Variants in ATG10 observed in about 807,000 individuals in gnomAD.
The protein encoded by ATG10 is ubiquitin-like-conjugating enzyme ATG10.
Under a neutral mutation model 32.1 loss-of-function variants are expected in ATG10, and 30 were observed. The ratio of observed to expected loss-of-function variants is 0.94; its 90% CI spans 0.70 to 1.27. The LOEUF (loss-of-function observed/expected upper bound fraction) is 1.27. ATG10 is among the 50% of genes most tolerant of loss of function. ATG10 has a pLI of 0.00. For synonymous variants in ATG10, 87 were observed against 91.5 expected (o/e 0.95, Z 0.28); for missense variants, 233 against 262.3 (o/e 0.89, Z 0.77).
intron 3 of ATG10, among the ~76,000 whole-genome samples, chr5:82,071,508 G>C (rs1764131478): frequency 6.6e-6 from 1 of 152,102 alleles, no homozygotes; most frequent in African/African-American, 2.4e-5. Flanking sequence ...TTCGAAAAAT[G>C]TTTCTTCAAA....
chr5:82,116,614 T>C (rs1765817716), intron 3 of ATG10, among the ~76,000 whole-genome samples: 1 of 152,086 alleles, frequency 6.6e-6, no homozygotes, highest in Admixed American at 6.6e-5. Context: ...AATAAACTGC[T>C]GAGTAGAAGG....
chr5:82,174,550 T>C (rs1354763737), intron 4 of ATG10, among the ~76,000 whole-genome samples: 2 of 152,090 alleles, frequency 1.3e-5, no homozygotes, highest in Non-Finnish European at 2.9e-5. Context: ...TGGAATAAAA[T>C]AAGTATAATT....
At position 82,057,490 on chromosome 5, in the gene ATG10, C is replaced by T. The variant is rs1419407716; in HGVS notation, c.109-1005C>T. ...TGCACCGCTCCAGTCTTCATCTTCA[C>T]ATGGCTTTCTTCCCTGTTTGTGTCA... On this transcript the variant is annotated intron_variant, in intron 2 of 7. Transcript: ENST00000282185. Among the ~76,000 whole-genome samples the T allele has an allele frequency of 2.6e-5, 4 of 152,162 alleles. No homozygotes were observed. In the East Asian group the frequency reaches 7.7e-4, roughly 29 times the overall value.
At chr5:82,026,332 C>T (rs569001195) in intron 2 of ATG10, among the ~76,000 whole-genome samples, 12 of 152,056 alleles carry the variant, frequency 7.9e-5, no homozygotes, top group African/African-American at 2.2e-4. Flanking sequence ...TTTTTAAGAT[C>T]GAATAATATT....
chr5:82,082,925 G>A (rs1168601981), intron 3 of ATG10, among the ~76,000 whole-genome samples: 19 of 152,306 alleles, frequency 1.2e-4, no homozygotes, highest in African/African-American at 4.3e-4. Context: ...AGCTCCCAGC[G>A]TGAGCGACAC....
At chr5:82,031,801 A>T (rs1011911671) in intron 2 of ATG10, among the ~76,000 whole-genome samples, 1 of 152,268 alleles carries the variant, frequency 6.6e-6, no homozygotes, top group Non-Finnish European at 1.5e-5. Flanking sequence ...TGTCCTGCTG[A>T]TGATACCTGT....
chr5:82,139,140 A>T (rs1422248062), intron 3 of ATG10, among the ~76,000 whole-genome samples: 1,950 of 144,532 alleles, frequency 0.013, 12 homozygotes, highest in Non-Finnish European at 0.021. Flanking sequence ...TCGTTCACTC[A>T]GTGCTCAATG....
intron 5 of ATG10, among the ~76,000 whole-genome samples, chr5:82,201,369 G>A (rs558283185): frequency 1.3e-5 from 2 of 152,116 alleles, no homozygotes; most frequent in South Asian, 4.2e-4. Flanking sequence ...TTTTGTATAT[G>A]AATGTCCAAT....
rs546337354 is a variant in ATG10 at position 82,195,285 on chromosome 5, C to G, written c.453+16698C>G. On this transcript the variant is annotated intron_variant, in intron 5 of 7. Coordinates refer to ENST00000282185, the MANE Select transcript of ATG10 (RefSeq NM_031482.5). ...TATCCCCAGACTTGGCAGGACCTCTCTAATCATACCAAACTCTTTTTAGCC... is the reference window on the plus strand; with the variant it reads ...TATCCCCAGACTTGGCAGGACCTCTGTAATCATACCAAACTCTTTTTAGCC... 2.0e-5 allele frequency among the ~76,000 whole-genome samples: 3 copies of G among 152,294 alleles called. No individual in the cohort carries two copies. In the South Asian group the frequency reaches 6.2e-4, roughly 32 times the overall value.
At chr5:82,008,152 T>C (rs903913915) in intron 2 of ATG10, among the ~76,000 whole-genome samples, 2 of 152,188 alleles carry the variant, frequency 1.3e-5, no homozygotes. Flanking sequence ...ATGAGCATGT[T>C]ACTGCTGTGG....
At chr5:82,102,775 T>A (rs1765323651) in intron 3 of ATG10, among the ~76,000 whole-genome samples, 2 of 152,200 alleles carry the variant, frequency 1.3e-5, no homozygotes, top group Admixed American at 1.3e-4. Flanking sequence ...TAATACTTAT[T>A]CAACCATTTA....
At chr5:82,171,897 A>T (rs373942975) in intron 4 of ATG10, among the ~76,000 whole-genome samples, 1 of 152,260 alleles carries the variant, frequency 6.6e-6, no homozygotes, top group East Asian at 1.9e-4. Flanking sequence ...AAAGGAAATC[A>T]GAGATGGATA....
At chr5:82,228,135 AG>A (rs1328573152) in intron 5 of ATG10, among the ~76,000 whole-genome samples, 1 of 151,858 alleles carries the variant, frequency 6.6e-6, no homozygotes, top group African/African-American at 2.4e-5. Flanking sequence ...TGAGCCTGAG[AG>A]GTCAGGGCTG....
At chr5:82,138,759 A>G (rs376701220) in intron 3 of ATG10, among the ~76,000 whole-genome samples, 2 of 151,934 alleles carry the variant, frequency 1.3e-5, no homozygotes, top group African/African-American at 4.8e-5. Flanking sequence ...TATCAATAAC[A>G]TTATTACTAT....
intron 3 of ATG10, among the ~76,000 whole-genome samples, chr5:82,079,628 T>C (rs967365150): frequency 2.6e-5 from 4 of 152,056 alleles, no homozygotes; most frequent in African/African-American, 9.7e-5. Flanking sequence ...TGTTTTTTTT[T>C]CCCTGTGATA....
At chr5:82,161,962 A>G (rs2149896863) in intron 3 of ATG10, among the ~76,000 whole-genome samples, 1 of 152,286 alleles carries the variant, frequency 6.6e-6, no homozygotes, top group Admixed American at 6.5e-5. Flanking sequence ...CTTAGAAGCT[A>G]TAAACAGAAA....
intron 1 of ATG10, among the ~76,000 whole-genome samples, chr5:81,982,717 G>A (rs1309152770): frequency 6.6e-6 from 1 of 152,234 alleles, no homozygotes; most frequent in African/African-American, 2.4e-5. Context: ...GCGGCCTTCC[G>A]CAGTGTTTGT....
rs879554741 is a variant in ATG10 at position 82,196,793 on chromosome 5, T to C, written c.453+18206T>C. Among the ~76,000 whole-genome samples, 10 of 152,212 alleles carry C rather than the reference T, an allele frequency of 6.6e-5. No homozygotes were observed. The East Asian group carries it at 7.7e-4, about 12-fold the overall frequency. ...TCACACTGTCTTGTTTACTGTGGCTTTATAACAGTCATTTTTTGAAATTGG... is the reference window on the plus strand; with the variant it reads ...TCACACTGTCTTGTTTACTGTGGCTCTATAACAGTCATTTTTTGAAATTGG... On this transcript the variant is annotated intron_variant, in intron 5 of 7. Coordinates refer to ENST00000282185, the MANE Select transcript of ATG10 (RefSeq NM_031482.5).
intron 1 of ATG10, among the ~76,000 whole-genome samples, chr5:81,980,884 G>A (rs1761027476): frequency 6.6e-6 from 1 of 152,164 alleles, no homozygotes. Flanking sequence ...TTCTCTGAAG[G>A]GAATGGGAGA....
Sources: gnomAD v4.1 joint callset for allele counts (sites outside exome capture counted in the v4.1 genomes callset) on GRCh38, gnomAD v4.1.1 for gene constraint, MANE v1.5 for transcripts, NCBI Gene and HGNC (gene_info 2026-07-23, HGNC 2026-07-21) for gene names.